Variants in GLIS3 observed in about 807,000 individuals in gnomAD.
The protein encoded by GLIS3 is zinc finger protein GLIS3.
In GLIS3, 53 loss-of-function variants were observed where a neutral mutation model predicts 78.6. The ratio of observed to expected loss-of-function variants is 0.67; its 90% CI spans 0.54 to 0.85. The LOEUF (loss-of-function observed/expected upper bound fraction) is 0.85, where lower values mean the gene tolerates loss of function less well. Among genes scored for constraint, GLIS3 ranks in the 40% least tolerant of loss-of-function variants. The pLI, the probability that GLIS3 is intolerant of heterozygous loss-of-function variation, is 0.00. For missense variants in GLIS3, 1,703 were observed against 1,231.1 expected, an observed-to-expected ratio of 1.38 and a Z score of -5.74; for synonymous variants, 684 against 509.9, an observed-to-expected ratio of 1.34 and a Z score of -4.60.
intron 9 of GLIS3, among the ~76,000 whole-genome samples, chr9:3,847,579 TG>T (rs1401870974): frequency 1.8e-4 from 28 of 152,268 alleles, no homozygotes; most frequent in African/African-American, 6.3e-4. Context: ...CATGCTTGTG[TG>T]TGCAGATGCT....
intron 6 of GLIS3, among the ~76,000 whole-genome samples, chr9:3,902,386 GGTGAGGCAGGAGGCACATAGC>G (rs1385882178): frequency 2.0e-5 from 3 of 152,178 alleles, no homozygotes; most frequent in Non-Finnish European, 2.9e-5. Flanking sequence ...TGATCTAAAG[GGTGAGGCAGGAGGCACATAGC>G]AGAATCTCTT....
At chr9:3,998,549 T>A (rs1392245937) in intron 4 of GLIS3, among the ~76,000 whole-genome samples, 1 of 151,536 alleles carries the variant, frequency 6.6e-6, no homozygotes. Flanking sequence ...GTAAGTAGAG[T>A]TTAAGATTTC....
the GLIS3 span, among the ~76,000 whole-genome samples, chr9:4,418,647 C>G: frequency 1.3e-5 from 2 of 151,780 alleles, no homozygotes; most frequent in African/African-American, 4.8e-5. Flanking sequence ...TGCAGTGAGC[C>G]GAGATCACGC....
At chr9:4,170,162 G>C (rs1479028819) in intron 2 of GLIS3, among the ~76,000 whole-genome samples, 1 of 152,152 alleles carries the variant, frequency 6.6e-6, no homozygotes, top group Non-Finnish European at 1.5e-5. Flanking sequence ...CAGTGTCCAG[G>C]ATGAGTTAAA....
the GLIS3 span, among the ~76,000 whole-genome samples, chr9:4,370,742 T>G: frequency 1.3e-5 from 2 of 151,714 alleles, no homozygotes; most frequent in Admixed American, 1.3e-4. Flanking sequence ...TTTAGCATAG[T>G]ATTATATCCT....
intron 4 of GLIS3, among the ~76,000 whole-genome samples, chr9:3,996,660 G>C (rs1244709882): frequency 1.3e-5 from 2 of 152,062 alleles, no homozygotes; most frequent in Admixed American, 6.6e-5. Context: ...TGAAATAGTA[G>C]AAGGAAGAAA....
In GLIS3 at chr9:4,262,443, C is replaced by T. The variant is rs570541418; in HGVS notation, c.388+23595G>A. On this transcript the variant is annotated intron_variant, in intron 2 of 10. Transcript: ENST00000381971. ...GGGATGGGGGCCCAAGAGGCTAAAT[C>T]GGAGGTTCTCAAATGTTCTCAGTCC... Among the ~76,000 whole-genome samples, 8 of 151,990 alleles carry T rather than the reference C, an allele frequency of 5.3e-5. No individual in the cohort carries two copies. The East Asian group carries it at 7.7e-4, about 15-fold the overall frequency.
At chr9:4,052,701 A>G (rs1825827125) in intron 4 of GLIS3, among the ~76,000 whole-genome samples, 1 of 152,164 alleles carries the variant, frequency 6.6e-6, no homozygotes, top group South Asian at 2.1e-4. Context: ...GATATACCAC[A>G]TTTTGTTTAT....
intron 4 of GLIS3, among the ~76,000 whole-genome samples, chr9:4,024,724 A>AGATTTACTTAATTCTTCTTCTT (rs1382151710): frequency 2.6e-5 from 4 of 152,180 alleles, no homozygotes; most frequent in African/African-American, 9.7e-5. Context: ...ATTACAGGCA[A>AGATTTACTTAATTCTTCTTCTT]GATTTACTTA....
the GLIS3 span, among the ~76,000 whole-genome samples, chr9:4,451,733 T>G: frequency 6.6e-6 from 1 of 152,024 alleles, no homozygotes; most frequent in Admixed American, 6.6e-5. Flanking sequence ...TGAGCAACCT[T>G]CGCCTGAATG....
chr9:4,039,935 A>G (rs629492), intron 4 of GLIS3, among the ~76,000 whole-genome samples: 49,165 of 152,070 alleles, frequency 0.32, 8,841 homozygotes, highest in East Asian at 0.58. Flanking sequence ...GCCAAGCCCA[A>G]GGCCAGTGCA....
chr9:3,838,487 G>C (rs1818502261), intron 9 of GLIS3, among the ~76,000 whole-genome samples: 1 of 152,112 alleles, frequency 6.6e-6, no homozygotes, highest in Non-Finnish European at 1.5e-5. Context: ...CTGAATCCAG[G>C]GATTCTGCTT....
the GLIS3 span, among the ~76,000 whole-genome samples, chr9:4,423,672 T>C: frequency 6.6e-6 from 1 of 152,216 alleles, no homozygotes; most frequent in Non-Finnish European, 1.5e-5. Flanking sequence ...CAATGCCCTA[T>C]AATAAATATT....
intron 2 of GLIS3, among the ~76,000 whole-genome samples, chr9:4,158,883 A>G (rs1344695468): frequency 2.0e-5 from 3 of 152,190 alleles, no homozygotes; most frequent in Non-Finnish European, 2.9e-5. Context: ...GAAAAGGCCT[A>G]TGGAAGAGGT....
chr9:4,052,083 T>C (rs1049156641), intron 4 of GLIS3, among the ~76,000 whole-genome samples: 2 of 152,190 alleles, frequency 1.3e-5, no homozygotes, highest in African/African-American at 4.8e-5. Flanking sequence ...AATGGAGAGA[T>C]GTGCACACCT....
chr9:4,179,170 A>G (rs1817070222), intron 2 of GLIS3, among the ~76,000 whole-genome samples: 1 of 152,210 alleles, frequency 6.6e-6, no homozygotes, highest in Non-Finnish European at 1.5e-5. Context: ...GCAAATGTTC[A>G]GTAGGAAAGA....
intron 2 of GLIS3, among the ~76,000 whole-genome samples, chr9:4,195,204 G>C (rs930091747): frequency 1.3e-5 from 2 of 152,228 alleles, no homozygotes; most frequent in Non-Finnish European, 2.9e-5. Context: ...GGCCACGCTT[G>C]AGGAGCCCTT....
chr9:3,959,279 A>G (rs1303638690), intron 4 of GLIS3, among the ~76,000 whole-genome samples: 1 of 152,224 alleles, frequency 6.6e-6, no homozygotes, highest in East Asian at 1.9e-4. Context: ...GCTGTCCATC[A>G]GCCAGGAAGT....
At chr9:4,228,688 A>G (rs1821994680) in intron 2 of GLIS3, among the ~76,000 whole-genome samples, 2 of 152,348 alleles carry the variant, frequency 1.3e-5, no homozygotes, top group Non-Finnish European at 2.9e-5. Context: ...AGGTAAACAC[A>G]TCTTTGCTCT....
Sources: allele counts gnomAD v4.1 joint callset (sites outside exome capture counted in the v4.1 genomes callset), GRCh38; gene constraint gnomAD v4.1.1; transcripts MANE v1.5; gene names NCBI Gene and HGNC (gene_info 2026-07-23, HGNC 2026-07-21).